TASP1: variants seen among roughly 807,000 people sequenced by gnomAD.
TASP1 encodes threonine aspartase 1.
Under a neutral mutation model 56.6 loss-of-function variants are expected in TASP1, and 16 were observed. The ratio of observed to expected loss-of-function variants is 0.28; its 90% CI spans 0.19 to 0.43. The LOEUF (loss-of-function observed/expected upper bound fraction) is 0.43, where lower values mean the gene tolerates loss of function less well. TASP1 is among the 20% of genes least tolerant of loss of function. The pLI is 1.00. For missense variants in TASP1, 393 were observed against 511.6 expected (o/e 0.77, Z 2.24); for synonymous variants, 179 against 184.2 (o/e 0.97, Z 0.23).
the TASP1 span, among the ~76,000 whole-genome samples, chr20:13,340,677 C>T: frequency 6.6e-6 from 1 of 152,114 alleles, no homozygotes. Flanking sequence ...ATAAGCCTTC[C>T]AATTCCACTC....
At chr20:13,126,600 G>A in the TASP1 span, 1 of 1,613,238 alleles carries the variant, frequency 6.2e-7, no homozygotes, top group Non-Finnish European at 8.5e-7. Flanking sequence ...GGACCTCGTG[G>A]ATTATTTACG....
At chr20:13,228,837 T>C in the TASP1 span, among the ~76,000 whole-genome samples, 1 of 152,214 alleles carries the variant, frequency 6.6e-6, no homozygotes, top group East Asian at 1.9e-4. Context: ...TTCTCATACT[T>C]TTATTTCTGT....
At chr20:13,626,477 C>T (rs895281447) in intron 2 of TASP1, among the ~76,000 whole-genome samples, 4 of 152,110 alleles carry the variant, frequency 2.6e-5, no homozygotes, top group African/African-American at 9.7e-5. Context: ...AAGACAAAAA[C>T]AGAAAAGCTA....
At chr20:13,351,561 T>C in the TASP1 span, among the ~76,000 whole-genome samples, 2 of 152,204 alleles carry the variant, frequency 1.3e-5, no homozygotes, top group Admixed American at 6.5e-5. Flanking sequence ...TATGATTCCA[T>C]TTATACAACG....
At chr20:13,110,444 G>C in the TASP1 span, among the ~76,000 whole-genome samples, 1 of 152,182 alleles carries the variant, frequency 6.6e-6, no homozygotes, top group Non-Finnish European at 1.5e-5. Context: ...GCTTGTGAAG[G>C]CTTCCTCAGA....
At chr20:13,516,220 G>A (rs985704677) in intron 10 of TASP1, among the ~76,000 whole-genome samples, 3 of 152,106 alleles carry the variant, frequency 2.0e-5, no homozygotes, top group African/African-American at 4.8e-5. Context: ...ACCTTCTACA[G>A]AGGGAACCAA....
chr20:13,603,369 C>A (rs2048030897), intron 4 of TASP1, among the ~76,000 whole-genome samples: 1 of 151,648 alleles, frequency 6.6e-6, no homozygotes, highest in South Asian at 2.1e-4. Flanking sequence ...GAAACTCAGT[C>A]TCTACAAAAA....
At chr20:13,109,976 A>T in the TASP1 span, 15 of 652,796 alleles carry the variant, frequency 2.3e-5, no homozygotes, top group South Asian at 2.6e-4. Flanking sequence ...CTCTCTCCCT[A>T]AGGGTTCTCT....
chr20:13,279,566 T>C, the TASP1 span: 1 of 1,487,458 alleles, frequency 6.7e-7, no homozygotes, highest in Non-Finnish European at 9.1e-7. Flanking sequence ...TCAGACTTTC[T>C]TCCAAGGGTC....
At chr20:13,187,488 T>C in the TASP1 span, among the ~76,000 whole-genome samples, 1 of 151,594 alleles carries the variant, frequency 6.6e-6, no homozygotes, top group African/African-American at 2.4e-5. Flanking sequence ...AGTGGCTCAC[T>C]TCCATAATCC....
the TASP1 span, chr20:13,299,949 G>C: frequency 6.5e-6 from 1 of 152,736 alleles, no homozygotes; most frequent in Non-Finnish European, 1.5e-5. This position sits in a 1 kb window ranked among gnomAD's most constrained non-coding sequence, Gnocchi z 5.8. Context: ...GAGACTTAGG[G>C]AAGTGGAAGA....
chr20:13,248,969 A>G, the TASP1 span, among the ~76,000 whole-genome samples: 1 of 152,338 alleles, frequency 6.6e-6, no homozygotes, highest in Non-Finnish European at 1.5e-5. Flanking sequence ...AGCGGCTTGT[A>G]CAGGAGAAAA....
chr20:13,238,237 C>T, the TASP1 span: 1 of 152,180 alleles, frequency 6.6e-6, no homozygotes, highest in Non-Finnish European at 1.5e-5. Flanking sequence ...GAGACTTCTA[C>T]TGGACATGGT....
At chr20:13,223,421 T>C in the TASP1 span, among the ~76,000 whole-genome samples, 6 of 152,332 alleles carry the variant, frequency 3.9e-5, no homozygotes, top group Admixed American at 3.9e-4. Flanking sequence ...TTACAAGACA[T>C]GGTACTGTTA....
the TASP1 span, among the ~76,000 whole-genome samples, chr20:13,295,353 C>T: frequency 6.6e-6 from 1 of 152,220 alleles, no homozygotes; most frequent in Non-Finnish European, 1.5e-5. Flanking sequence ...ACCCGCTGAA[C>T]CAGCCTAAAC....
chr20:13,155,090 A>C, the TASP1 span, among the ~76,000 whole-genome samples: 2 of 151,916 alleles, frequency 1.3e-5, no homozygotes, highest in African/African-American at 4.8e-5. Context: ...CCGAGGCAGG[A>C]GGATCACTTG....
the TASP1 span, among the ~76,000 whole-genome samples, chr20:13,282,773 AG>A: frequency 2.0e-5 from 3 of 152,216 alleles, no homozygotes; most frequent in African/African-American, 7.2e-5. Flanking sequence ...GCACATGAAT[AG>A]CCCCGGGCCT....
chr20:13,207,133 A>C, the TASP1 span, among the ~76,000 whole-genome samples: 1 of 152,214 alleles, frequency 6.6e-6, no homozygotes, highest in Admixed American at 6.5e-5. Flanking sequence ...TCTATAACTT[A>C]GTGGCATATC....
intron 4 of TASP1, among the ~76,000 whole-genome samples, chr20:13,619,066 G>A (rs1314782276): frequency 6.6e-6 from 1 of 151,882 alleles, no homozygotes; most frequent in African/African-American, 2.4e-5. Flanking sequence ...TTAGAGACGG[G>A]GTTTCACCAT....
Sources: gnomAD v4.1 joint callset for allele counts (sites outside exome capture counted in the v4.1 genomes callset) on GRCh38, gnomAD v4.1.1 for gene constraint, Gnocchi (gnomAD v3.1) non-coding constraint, MANE v1.5 for transcripts, NCBI Gene and HGNC (gene_info 2026-07-23, HGNC 2026-07-21) for gene names.